Variants in RIMBP2 observed in about 807,000 individuals in gnomAD.
RIMBP2 encodes RIMS-binding protein 2.
In RIMBP2, 48 loss-of-function variants were observed where a neutral mutation model predicts 118.6. The ratio of observed to expected loss-of-function variants is 0.40; its 90% confidence interval spans 0.32 to 0.51. The LOEUF (loss-of-function observed/expected upper bound fraction) is 0.51. RIMBP2 is among the 20% of genes least tolerant of loss of function. RIMBP2 has a pLI of 0.41. For missense variants in RIMBP2, 1,551 were observed against 1,768.3 expected (o/e 0.88, Z 2.20); for synonymous variants, 762 against 742.9 (o/e 1.03, Z -0.42).
chr12:130,450,239 C>T lies in RIMBP2; in HGVS notation c.542G>A (p.Arg181Lys), dbSNP rs2078885189. ...ACAGAGGTGGACCTTCCCCGAGTAT[C>T]TCTGCTTGGAGGTATTGGAATTCCG... ...NERNSNTSKQ[R>K]YSGKVHLCVA... The change falls in exon 9 of 23, where the codon AGA becomes AAA. Residue 181 changes from arginine (R) to lysine (K), a missense_variant. Arg to Lys is a conservative substitution (Grantham distance 26). Around this residue, in one of 5 missense-constraint regions of RIMBP2, gnomAD observed 239 missense variants for 256.8 expected, o/e 0.93. Coordinates refer to ENST00000690449, the MANE Select transcript of RIMBP2 (RefSeq NM_001393629.1). This position sits in a 1 kb window ranked among gnomAD's most constrained non-coding sequence, Gnocchi z 4.8. 1 of 1,610,046 alleles carries T rather than the reference C, an allele frequency of 6.2e-7. No homozygotes were observed. The highest frequency in any genetic ancestry group is 1.3e-5 in the African/African-American group (1 of 74,796).
intron 1 of RIMBP2, chr12:130,667,157 AGGGAAGAAG>A (rs2063985723): frequency 1.9e-5 from 1 of 52,406 alleles, no homozygotes; most frequent in African/African-American, 7.7e-5. Flanking sequence ...GGAGGAAGGG[AGGGAAGAAG>A]GGAGGGAGGG....
chr12:130,646,736 ACAGGGCAAGAGAAAGCCGCCTC>A (rs2062997298), intron 1 of RIMBP2, among the ~76,000 whole-genome samples: 1 of 152,278 alleles, frequency 6.6e-6, no homozygotes, highest in Non-Finnish European at 1.5e-5. Context: ...GTCATCTCCT[ACAGGGCAAGAGAAAGCCGCCTC>A]CAGGGGCGAA....
chr12:130,403,948 C>G (rs1227764067), intron 21 of RIMBP2, among the ~76,000 whole-genome samples: 1 of 152,176 alleles, frequency 6.6e-6, no homozygotes, highest in African/African-American at 2.4e-5. Context: ...GACCATCTAT[C>G]TTTACTGATA....
At chr12:130,600,334 C>T (rs897095182) in intron 2 of RIMBP2, among the ~76,000 whole-genome samples, 1 of 152,210 alleles carries the variant, frequency 6.6e-6, no homozygotes, top group Non-Finnish European at 1.5e-5. Context: ...CGACCAGAAA[C>T]ATTCCAAACC....
At chr12:130,685,450 G>A (rs1044119061) in intron 1 of RIMBP2, among the ~76,000 whole-genome samples, 7 of 152,216 alleles carry the variant, frequency 4.6e-5, no homozygotes, top group Admixed American at 1.3e-4. Flanking sequence ...TCCCTTTGGA[G>A]AAGTGAAGAA....
chr12:130,664,401 A>ACGCACGCACG (rs1594167957), intron 1 of RIMBP2, among the ~76,000 whole-genome samples: 1 of 85,472 alleles, frequency 1.2e-5, no homozygotes, highest in Non-Finnish European at 2.9e-5. Flanking sequence ...ACACACACGC[A>ACGCACGCACG]CGCACGCACG....
At chr12:130,663,265 A>C (rs1395807717) in intron 1 of RIMBP2, among the ~76,000 whole-genome samples, 1 of 152,126 alleles carries the variant, frequency 6.6e-6, no homozygotes, top group Non-Finnish European at 1.5e-5. Context: ...ACCATCCTAA[A>C]GACAGAGAGG....
intron 1 of RIMBP2, among the ~76,000 whole-genome samples, chr12:130,674,542 G>A (rs376859601): frequency 1.1e-4 from 17 of 152,084 alleles, no homozygotes; most frequent in African/African-American, 3.4e-4. Context: ...GGGACATAGC[G>A]GCATACACCA....
At chr12:130,437,379 GC>G in intron 12 of RIMBP2, 88 bp from the exon 13 acceptor site, 1 of 1,115,510 alleles carries the variant, frequency 9.0e-7, no homozygotes, top group Non-Finnish European at 1.3e-6. Context: ...CTGCCCAGAG[GC>G]CAGGTGCAAA....
chr12:130,593,968 C>A (rs1046885662), intron 2 of RIMBP2, among the ~76,000 whole-genome samples: 3 of 152,220 alleles, frequency 2.0e-5, no homozygotes, highest in Admixed American at 6.5e-5. Flanking sequence ...CAGCTCCACA[C>A]CAGCATCTCA....
chr12:130,558,765 G>A (rs1438839939), intron 2 of RIMBP2, among the ~76,000 whole-genome samples: 1 of 152,220 alleles, frequency 6.6e-6, no homozygotes, highest in East Asian at 1.9e-4. Flanking sequence ...GGGTGATGAT[G>A]ACCTGCTATG....
chr12:130,416,891 A>C (rs1469389514), intron 17 of RIMBP2, among the ~76,000 whole-genome samples: 2 of 152,208 alleles, frequency 1.3e-5, no homozygotes, highest in African/African-American at 4.8e-5. Context: ...CATTAAAAAG[A>C]GCAAAGGACA....
In RIMBP2 at chr12:130,622,312, G is replaced by C. The variant is rs1223283536; in HGVS notation, c.-217+6010C>G. On this transcript the variant is annotated intron_variant, in intron 2 of 22. Coordinates refer to ENST00000690449, the MANE Select transcript of RIMBP2 (RefSeq NM_001393629.1). This position sits in a 1 kb window ranked among gnomAD's most constrained non-coding sequence, Gnocchi z 8.5. ...ACATCACAAGTTTTGCCATCTCTGT[G>C]CCCACTGTTAACTGACCCTCTTTCT... 6.6e-6 allele frequency among the ~76,000 whole-genome samples: 1 copy of C among 152,036 alleles called. No homozygotes were observed. Among genetic ancestry groups the C allele is most frequent in the East Asian group, 1.9e-4 (1 of 5,182 alleles).
intron 7 of RIMBP2, among the ~76,000 whole-genome samples, chr12:130,455,399 C>T (rs2079344528): frequency 6.6e-6 from 1 of 152,240 alleles, no homozygotes; most frequent in Non-Finnish European, 1.5e-5. Context: ...CCGCACGGTG[C>T]CCTGTCTGTC....
At chr12:130,604,519 C>CACTCACG (rs1566349501) in intron 2 of RIMBP2, among the ~76,000 whole-genome samples, 2 of 144,004 alleles carry the variant, frequency 1.4e-5, no homozygotes, top group African/African-American at 5.2e-5. Flanking sequence ...ACTCACTCAC[C>CACTCACG]AGAGCAACTT....
chr12:130,610,154 C>T (rs376664842), intron 2 of RIMBP2, among the ~76,000 whole-genome samples: 15 of 148,550 alleles, frequency 1.0e-4, no homozygotes, highest in African/African-American at 3.5e-4. Context: ...AAATGGGAAG[C>T]CTGCTCCTCC....
intron 3 of RIMBP2, among the ~76,000 whole-genome samples, chr12:130,516,313 C>T (rs12821751): frequency 0.052 from 7,849 of 152,250 alleles, 266 homozygotes; most frequent in South Asian, 0.16. Context: ...AAATTAACAG[C>T]TTAAAACAAC....
chr12:130,417,912 G>T (rs2076197562), intron 17 of RIMBP2, among the ~76,000 whole-genome samples: 1 of 152,134 alleles, frequency 6.6e-6, no homozygotes, highest in Admixed American at 6.5e-5. Flanking sequence ...ATCATGGGAG[G>T]TGGTCTCACA....
intron 1 of RIMBP2, among the ~76,000 whole-genome samples, chr12:130,669,483 G>A (rs887398263): frequency 1.3e-5 from 2 of 152,078 alleles, no homozygotes; most frequent in Admixed American, 6.5e-5. Context: ...CTGTTCTCGC[G>A]AGAGTGAGGA....
Sources: gnomAD v4.1 joint callset for allele counts (sites outside exome capture counted in the v4.1 genomes callset) on GRCh38, gnomAD v4.1.1 for gene constraint, gnomAD v4.1.1 regional missense constraint, Gnocchi (gnomAD v3.1) non-coding constraint, MANE v1.5 for transcripts, NCBI Gene and HGNC (gene_info 2026-07-23, HGNC 2026-07-21) for gene names.